The following PASK variants were observed in gnomAD, a reference collection of about 807,000 sequenced individuals.
PASK encodes PAS domain-containing serine/threonine-protein kinase.
In PASK, 110 loss-of-function variants were observed where a neutral mutation model predicts 121.0. The observed-to-expected ratio is 0.91, with a 90% confidence interval of 0.78 to 1.06. PASK has a LOEUF of 1.06. Among genes scored for constraint, PASK ranks in the 50% least tolerant of loss-of-function variants. The pLI, the probability that PASK is intolerant of heterozygous loss-of-function variation, is 0.00. For synonymous variants in PASK, 686 were observed against 717.8 expected (o/e 0.96, Z 0.71); for missense variants, 1,643 against 1,702.3 (o/e 0.97, Z 0.61).
At chr2:241,117,434 G>A (rs1442850314) in intron 12 of PASK, among the ~76,000 whole-genome samples, 5 of 152,220 alleles carry the variant, frequency 3.3e-5, no homozygotes, top group Non-Finnish European at 5.9e-5. Context: ...AGAGGCCTGC[G>A]GCCTGTCCAG....
At chr2:241,131,604 C>T (rs934483347) in intron 9 of PASK, among the ~76,000 whole-genome samples, 2 of 152,134 alleles carry the variant, frequency 1.3e-5, no homozygotes, top group African/African-American at 4.8e-5. Flanking sequence ...ATGCGTCAGG[C>T]TCAACGGCAG....
chr2:241,149,021 G>A (rs1029697542), intron 1 of PASK, among the ~76,000 whole-genome samples: 6 of 152,106 alleles, frequency 3.9e-5, no homozygotes, highest in Non-Finnish European at 8.8e-5. Context: ...CACACGCCCA[G>A]TGCAGGAGGC....
At chr2:241,134,396 A>G (rs1040705701) in intron 8 of PASK, 2 of 152,248 alleles carry the variant, frequency 1.3e-5, no homozygotes, top group African/African-American at 2.4e-5. Flanking sequence ...GAAAGCCGGG[A>G]TTGTAAGGAG....
intron 9 of PASK, among the ~76,000 whole-genome samples, chr2:241,128,607 G>A (rs1458472764): frequency 9.9e-5 from 15 of 152,152 alleles, no homozygotes; most frequent in Admixed American, 5.9e-4. Context: ...GGACAGGATC[G>A]GGCACAGTGG....
At chr2:241,123,520 G>A (rs2125422138) in intron 11 of PASK, among the ~76,000 whole-genome samples, 1 of 151,998 alleles carries the variant, frequency 6.6e-6, no homozygotes, top group East Asian at 2.0e-4. Flanking sequence ...AAGACAGTGT[G>A]AAAAGTTACA....
At chr2:241,125,960 C>T (rs2065839918) in intron 10 of PASK, among the ~76,000 whole-genome samples, 1 of 152,218 alleles carries the variant, frequency 6.6e-6, no homozygotes, top group African/African-American at 2.4e-5. Context: ...ACAGCTGGAA[C>T]TGACGGGCAT....
intron 1 of PASK, among the ~76,000 whole-genome samples, chr2:241,148,967 C>G (rs2067123920): frequency 7.1e-6 from 1 of 140,402 alleles, no homozygotes; most frequent in Non-Finnish European, 1.5e-5. Context: ...GCGCCGGCGG[C>G]GCGCGCCCCC....
chr2:241,107,964 C>G (rs546576729), intron 16 of PASK, among the ~76,000 whole-genome samples: 4 of 152,208 alleles, frequency 2.6e-5, no homozygotes, highest in African/African-American at 9.6e-5. Context: ...AAGAGGGCCT[C>G]TAAGATCCAA....
chr2:241,109,496 G>A (rs1435508794), intron 15 of PASK: 2 of 145,912 alleles, frequency 1.4e-5, no homozygotes, highest in African/African-American at 2.5e-5. Context: ...GAGAAGAGTG[G>A]CACGGACAGA....
At chr2:241,109,008 CCA>C (rs2064999264) in intron 15 of PASK, 1 of 151,442 alleles carries the variant, frequency 6.6e-6, no homozygotes, top group African/African-American at 2.5e-5. Flanking sequence ...ATCCACGCTA[CCA>C]TTTATTTCCT....
intron 14 of PASK, 154 bp downstream of exon 14, chr2:241,114,889 T>C: frequency 3.9e-6 from 6 of 1,528,282 alleles, no homozygotes; most frequent in Non-Finnish European, 5.3e-6. Context: ...AGAATTTTCT[T>C]CTCAAAATAT....
chr2:241,126,860 T>C lies in PASK; in HGVS notation c.2055A>G (p.Thr685=). ...CAGGAGCGGTGACAGCCTGGCACTCTGTCGGAACGAGTTCGGCGTGGGGGA... is the reference window on the plus strand; with the variant it reads ...CAGGAGCGGTGACAGCCTGGCACTCCGTCGGAACGAGTTCGGCGTGGGGGA... The part of the protein sequence containing the change: ...LDVPHAELVP[T]ECQAVTAPVS... Residue 685 remains threonine, a synonymous_variant, in exon 10 of 18, where the codon ACA becomes ACG. Coordinates refer to ENST00000234040, the MANE Select transcript of PASK (RefSeq NM_015148.4). 6.2e-7 allele frequency: 1 copy of C among 1,612,516 alleles called. No individual in the cohort carries two copies. Among genetic ancestry groups the C allele is most frequent in the Non-Finnish European group, 8.5e-7 (1 of 1,178,764 alleles).
chr2:241,140,091 T>A (rs201899511), intron 3 of PASK, 36 bp from the exon 4 acceptor site: 16 of 1,580,298 alleles, frequency 1.0e-5, no homozygotes, highest in Non-Finnish European at 1.4e-5. Context: ...GATGCAGACA[T>A]CCCCAGCAGC....
Position 241,126,830 on chromosome 2 carries a change from C to G in PASK, c.2085G>C (p.Ser695=), listed in dbSNP as rs141882381. ...TECQAVTAPV[S]SCDLGGRDLC... is the part of the protein sequence containing the mutation. ...GGTCTCTGCCTCCCAGATCGCAGGA[C>G]GACACAGGAGCGGTGACAGCCTGGC... is the stretch of plus-strand genomic sequence containing the variant. Residue 695 remains serine, a synonymous_variant, in exon 10 of 18, where the codon TCG becomes TCC. Coordinates refer to ENST00000234040, the MANE Select transcript of PASK (RefSeq NM_015148.4). The G allele has an allele frequency of 5.8e-4, 931 of 1,613,460 alleles. 8 individuals are homozygous for G. In the African/African-American group the frequency reaches 0.011, roughly 19 times the overall value.
chr2:241,106,405 A>G lies in PASK; in HGVS notation c.*161T>C, dbSNP rs1385269395. 4 of 746,574 alleles carry G rather than the reference A, an allele frequency of 5.4e-6. No homozygotes were observed. The highest frequency in any genetic ancestry group is 9.4e-6 in the Non-Finnish European group (4 of 427,342). The allele number at this position is 746,574 out of a possible 1,614,324, so 46.2% of individuals were successfully genotyped here. ...ATCTATGTAATAAATCTAAAATAAT[A>G]CAGCATCACTGTCTTCTGTTCTGGT... On this transcript the variant is annotated 3_prime_UTR_variant, in exon 18 of 18. Coordinates refer to ENST00000234040, the MANE Select transcript of PASK (RefSeq NM_015148.4).
At chr2:241,149,702 A>C (rs1251875391), upstream of PASK, 3 of 1,551,146 alleles carry the variant, frequency 1.9e-6, no homozygotes, top group Non-Finnish European at 2.6e-6. Context: ...ACTCGCGATC[A>C]AAATGGGTGA....
At chr2:241,132,052 CAAAA>C (rs36063946) in intron 9 of PASK, among the ~76,000 whole-genome samples, 7 of 83,730 alleles carry the variant, frequency 8.4e-5, no homozygotes, top group African/African-American at 5.4e-5. Flanking sequence ...GACTCCATCT[CAAAA>C]AAAAAAAAAA....
rs561698062 is a variant in PASK, at chr2:241,131,428, G to A, written c.1463+1446C>T. On this transcript the variant is annotated intron_variant, in intron 9 of 17. Transcript: ENST00000234040. ...CTCCCAAAGTGCTGGGATTATAGGCGTGATCCACCGCGCCTGGCCCATGCA... is the reference window on the plus strand; with the variant it reads ...CTCCCAAAGTGCTGGGATTATAGGCATGATCCACCGCGCCTGGCCCATGCA... Among the ~76,000 whole-genome samples the A allele has an allele frequency of 9.1e-3, 1,393 of 152,278 alleles. 17 individuals carry two copies. The highest frequency in any genetic ancestry group is 0.031 in the African/African-American group (1,303 of 41,556).
rs770021127 is a variant in PASK, at chr2:241,126,721, G to A, written c.2194C>T (p.Gln732Ter). Residue 732 changes from glutamine (Q) to a stop codon, truncating the protein, a stop_gained, in exon 10 of 18, where the codon CAG (glutamine) becomes TAG (stop). Coordinates refer to ENST00000234040, the MANE Select transcript of PASK (RefSeq NM_015148.4). LOFTEE classifies it high-confidence loss of function. Reference sequence around the variant, plus strand: ...GAAAACGAATTCACATCAACCTCCTGGGCCTCCACTGCTTCCAGGCCCCCA... The same window carrying A: ...GAAAACGAATTCACATCAACCTCCTAGGCCTCCACTGCTTCCAGGCCCCCA... The part of the protein sequence containing the change: ...LPGGLEAVEA[Q>*]EVDVNSFSWN... 6.2e-7 allele frequency: 1 copy of A among 1,614,152 alleles called. No homozygotes were observed. The highest frequency in any genetic ancestry group is 2.2e-5 in the East Asian group (1 of 44,878).
Sources: gnomAD v4.1 joint callset for allele counts (sites outside exome capture counted in the v4.1 genomes callset) on GRCh38, gnomAD v4.1.1 for gene constraint, MANE v1.5 for transcripts, NCBI Gene and HGNC (gene_info 2026-07-23, HGNC 2026-07-21) for gene names.